VAV3: variants seen among roughly 807,000 people sequenced by gnomAD.
VAV3 encodes the protein vav guanine nucleotide exchange factor 3.
VAV3 carries 94 observed loss-of-function variants against 131.2 expected under a neutral mutation model. The observed-to-expected ratio is 0.72, with a 90% CI of 0.61 to 0.85. VAV3 has a LOEUF of 0.85. Among genes scored for constraint, VAV3 ranks in the 40% least tolerant of loss-of-function variants. VAV3 has a pLI of 0.00. For synonymous variants in VAV3, 349 were observed against 342.0 expected (o/e 1.02, Z -0.22); for missense variants, 939 against 1,002.7 (o/e 0.94, Z 0.86).
intron 19 of VAV3, among the ~76,000 whole-genome samples, chr1:107,653,227 G>T (rs1267796245): frequency 6.6e-6 from 1 of 151,698 alleles, no homozygotes; most frequent in Non-Finnish European, 1.5e-5. Context: ...CCATCATTTC[G>T]ATGTGCTGAT....
intron 10 of VAV3, among the ~76,000 whole-genome samples, chr1:107,759,315 C>A (rs914776691): frequency 2.6e-5 from 4 of 152,162 alleles, no homozygotes; most frequent in African/African-American, 7.2e-5. Flanking sequence ...AAATTCTATT[C>A]TTTTATTCCT....
At chr1:107,902,474 C>T (rs1671906357) in intron 1 of VAV3, among the ~76,000 whole-genome samples, 1 of 152,064 alleles carries the variant, frequency 6.6e-6, no homozygotes, top group Admixed American at 6.5e-5. Flanking sequence ...ATTTTTGGTA[C>T]CATCCCCTGT....
At chr1:107,812,811 T>C (rs545972797) in intron 2 of VAV3, among the ~76,000 whole-genome samples, 165 of 152,136 alleles carry the variant, frequency 1.1e-3, no homozygotes, top group Non-Finnish European at 2.0e-3. Context: ...GGAAGAGATA[T>C]AAGAATACAG....
chr1:107,589,525 G>A (rs1650775811), intron 25 of VAV3, among the ~76,000 whole-genome samples: 2 of 152,194 alleles, frequency 1.3e-5, no homozygotes, highest in South Asian at 2.1e-4. Flanking sequence ...TAACACTTTG[G>A]TTTTCAACTT....
At chr1:107,730,396 T>C (rs1662159078) in intron 15 of VAV3, among the ~76,000 whole-genome samples, 1 of 152,190 alleles carries the variant, frequency 6.6e-6, no homozygotes, top group African/African-American at 2.4e-5. Context: ...TCTCAGTTCC[T>C]TTACTTCTAA....
intron 2 of VAV3, among the ~76,000 whole-genome samples, chr1:107,857,788 CT>C (rs1381406403): frequency 5.9e-5 from 9 of 152,266 alleles, no homozygotes; most frequent in African/African-American, 1.9e-4. Flanking sequence ...TACCAAAAGA[CT>C]TTGCTGGGCC....
At chr1:107,882,418 A>ACCATGATT (rs1447889180) in intron 1 of VAV3, among the ~76,000 whole-genome samples, 2 of 152,184 alleles carry the variant, frequency 1.3e-5, no homozygotes, top group African/African-American at 4.8e-5. Context: ...CAGTTTCGAA[A>ACCATGATT]GGCACAGAAG....
intron 1 of VAV3, among the ~76,000 whole-genome samples, chr1:107,920,912 C>T (rs897181992): frequency 2.6e-5 from 4 of 152,182 alleles, no homozygotes; most frequent in African/African-American, 9.6e-5. Flanking sequence ...ATTCTCTTCA[C>T]ATCTCACATG....
At chr1:107,929,773 T>C (rs912298785) in intron 1 of VAV3, among the ~76,000 whole-genome samples, 1 of 152,168 alleles carries the variant, frequency 6.6e-6, no homozygotes, top group Non-Finnish European at 1.5e-5. Flanking sequence ...TAAAGTAGAT[T>C]TGGAAGCAAC....
intron 2 of VAV3, among the ~76,000 whole-genome samples, chr1:107,842,252 CT>C (rs1668752490): frequency 6.6e-6 from 1 of 152,190 alleles, no homozygotes; most frequent in Non-Finnish European, 1.5e-5. Context: ...AATGAGTCCA[CT>C]ACCTTGGACA....
At chr1:107,940,133 T>G (rs1673916770) in intron 1 of VAV3, among the ~76,000 whole-genome samples, 1 of 152,226 alleles carries the variant, frequency 6.6e-6, no homozygotes, top group Non-Finnish European at 1.5e-5. Flanking sequence ...TCTTGATGCC[T>G]GGGTAGAATT....
chr1:107,573,449 T>G, intron 26 of VAV3, 77 bp from the exon 27 acceptor site: 1 of 1,574,310 alleles, frequency 6.4e-7, no homozygotes. Context: ...ACAGAGTATT[T>G]TGTTTTCATA....
rs949743728 is a variant in VAV3, at chr1:107,850,413, C to A, written c.321+24488G>T. Among the ~76,000 whole-genome samples the A allele has an allele frequency of 8.5e-5, 13 of 152,156 alleles. 1 individual carries two copies. The highest frequency in any genetic ancestry group is 1.5e-5 in the Non-Finnish European group (1 of 68,022). ...CCCATAAAAAAGAATGAGTTCATGT[C>A]CTTTGCAGGGACATGGTTGAAGCTG... On this transcript the variant is annotated intron_variant, in intron 2 of 26. Transcript: ENST00000370056.
intron 19 of VAV3, among the ~76,000 whole-genome samples, chr1:107,658,912 T>G (rs1656789387): frequency 6.6e-6 from 1 of 152,174 alleles, no homozygotes; most frequent in African/African-American, 2.4e-5. Flanking sequence ...CTGTTCACTC[T>G]GATGGTGGTT....
At chr1:107,697,357 A>G (rs1015235476) in intron 17 of VAV3, among the ~76,000 whole-genome samples, 9 of 152,222 alleles carry the variant, frequency 5.9e-5, no homozygotes, top group African/African-American at 1.9e-4. Flanking sequence ...AATCTTGAGC[A>G]GGAAAGAACT....
chr1:107,778,879 T>A (rs758980966), intron 3 of VAV3, among the ~76,000 whole-genome samples: 4 of 152,180 alleles, frequency 2.6e-5, no homozygotes, highest in Non-Finnish European at 5.9e-5. Flanking sequence ...AACATACACA[T>A]CTATATTTTT....
intron 1 of VAV3, among the ~76,000 whole-genome samples, chr1:107,885,830 T>C (rs1194725114): frequency 6.6e-6 from 1 of 152,116 alleles, no homozygotes; most frequent in Non-Finnish European, 1.5e-5. Flanking sequence ...ACCATAATAT[T>C]CTGTCTCTTA....
At chr1:107,875,762 G>A (rs1369990747) in intron 1 of VAV3, among the ~76,000 whole-genome samples, 1 of 152,180 alleles carries the variant, frequency 6.6e-6, no homozygotes, top group Non-Finnish European at 1.5e-5. Flanking sequence ...GAGTGAAAGG[G>A]GCCGGAGCTA....
At chr1:107,885,707 C>G (rs890065745) in intron 1 of VAV3, among the ~76,000 whole-genome samples, 1 of 152,090 alleles carries the variant, frequency 6.6e-6, no homozygotes, top group Non-Finnish European at 1.5e-5. Context: ...CATTTACAGA[C>G]AAAGCCACTG....
Sources: gnomAD v4.1 joint callset for allele counts (sites outside exome capture counted in the v4.1 genomes callset) on GRCh38, gnomAD v4.1.1 for gene constraint, MANE v1.5 for transcripts, NCBI Gene and HGNC (gene_info 2026-07-23, HGNC 2026-07-21) for gene names.